Variants in MID1 observed in about 807,000 individuals in gnomAD.
The protein encoded by MID1 is E3 ubiquitin-protein ligase Midline-1.
MID1 carries 7 observed loss-of-function variants against 40.4 expected under a neutral mutation model. That is an observed-to-expected ratio of 0.17 (90% CI 0.10 to 0.33). The LOEUF is 0.33. Among genes scored for constraint, MID1 ranks in the 10% least tolerant of loss-of-function variants. MID1 has a pLI of 1.00. For synonymous variants in MID1, 229 were observed against 221.2 expected, an observed-to-expected ratio of 1.04 and a Z score of -0.31; for missense variants, 367 against 558.5, an observed-to-expected ratio of 0.66 and a Z score of 3.46.
intron 9 of MID1, among the ~76,000 whole-genome samples, chrX:10,452,344 G>A (rs1928394866): frequency 8.9e-6 from 1 of 112,072 alleles, no homozygotes; most frequent in Admixed American, 9.5e-5. Context: ...AATACTAAGT[G>A]TATAGTCCAT....
Sources: allele counts gnomAD v4.1 joint callset (sites outside exome capture counted in the v4.1 genomes callset), GRCh38; gene constraint gnomAD v4.1.1; transcripts MANE v1.5; gene names NCBI Gene and HGNC (gene_info 2026-07-23, HGNC 2026-07-21).